The following C6orf120 variants were observed in gnomAD, a reference collection of about 807,000 sequenced individuals.
C6orf120 encodes the protein chromosome 6 open reading frame 120.
For missense variants in C6orf120, 311 were observed against 264.2 expected (o/e 1.18, Z -1.23); for synonymous variants, 165 against 123.1 (o/e 1.34, Z -2.25).
At chr6:169,705,171 T>C (rs1330585536), downstream of C6orf120, 3 of 1,612,298 alleles carry the variant, frequency 1.9e-6, no homozygotes, top group Non-Finnish European at 2.5e-6. Context: ...AAAAGTATGA[T>C]AACCTCTGTC....
rs766390371 is a variant in C6orf120 at position 169,702,823 on chromosome 6, C to T, written c.364C>T (p.Pro122Ser). ...AGTGGGCATCGGCGTCTATGGACAC[C>T]CCTCCCACCTGGAGAGCGAGTTCGA... Residue 122 changes from proline (P) to serine (S), a missense_variant, in exon 1 of 1, where the codon CCC becomes TCC. Physicochemically the swap from Pro to Ser is moderately conservative, Grantham distance 74. Coordinates refer to ENST00000332290, the Ensembl canonical transcript of C6orf120. 6.2e-6 allele frequency: 10 copies of T among 1,612,584 alleles called. 1 individual carries two copies. The South Asian group carries it at 6.6e-5, about 11-fold the overall frequency.
exon 1 of C6orf120, chr6:169,702,502 C>T: frequency 6.3e-7 from 1 of 1,598,612 alleles, no homozygotes; most frequent in East Asian, 2.3e-5. Flanking sequence ...GACGACGGCC[C>T]TGCTGCTGCT....
In C6orf120 at chr6:169,703,029, CTT is replaced by C. The variant is rs1562979218; in HGVS notation, c.573_574del (p.Phe191LeufsTer4). On this transcript the variant is annotated frameshift_variant, in exon 1 of 1. Transcript: ENST00000332290. LOFTEE classifies it high-confidence loss of function. ...TTTTGAAACTGGTACTTGAAATTCTCTTTTGAGTCGTTGACCACACTCTGGGA... is the reference window on the plus strand; with the variant it reads ...TTTTGAAACTGGTACTTGAAATTCTCTTGAGTCGTTGACCACACTCTGGGA... 1.3e-6 allele frequency: 2 copies of C among 1,549,996 alleles called. No homozygotes were observed. The highest frequency in any genetic ancestry group is 1.7e-6 in the Non-Finnish European group (2 of 1,145,072).
exon 1 of C6orf120, chr6:169,704,000 A>G (rs1261783151): frequency 6.3e-7 from 1 of 1,597,338 alleles, no homozygotes; most frequent in Non-Finnish European, 8.5e-7. Context: ...GTCAAAAACT[A>G]TTTTATCCCT....
chr6:169,706,338 A>G (rs560128917), downstream of C6orf120, among the ~76,000 whole-genome samples: 1 of 152,304 alleles, frequency 6.6e-6, no homozygotes, highest in East Asian at 1.9e-4. Context: ...CATGTCTAAT[A>G]AAAGAATCTA....
exon 1 of C6orf120, chr6:169,703,499 C>T (rs1481624655): frequency 4.9e-6 from 1 of 206,046 alleles, no homozygotes; most frequent in Non-Finnish European, 1.1e-5. Context: ...GCCTGTACCC[C>T]AAGTAGGTGA....
rs151116596 is a variant in C6orf120, at chr6:169,702,874, G to A, written c.415G>A (p.Val139Ile). 797 of 1,612,016 alleles carry A rather than the reference G, an allele frequency of 4.9e-4. 2 individuals are homozygous for A. In the African/African-American group the frequency reaches 6.3e-3, roughly 13 times the overall value. ...GATGAAGGTGTACTACGACGGCACGGTCGAGCAGCACCCGTTCGGCGAGGC... is the reference window on the plus strand; with the variant it reads ...GATGAAGGTGTACTACGACGGCACGATCGAGCAGCACCCGTTCGGCGAGGC... Residue 139 changes from valine (V) to isoleucine (I), a missense_variant, in exon 1 of 1, where the codon GTC (valine) becomes ATC (isoleucine). Physicochemically the swap from Val to Ile is conservative, Grantham distance 29 (BLOSUM62 3). Coordinates refer to ENST00000332290, the Ensembl canonical transcript of C6orf120.
chr6:169,702,604 A>G, exon 1 of C6orf120: 1 of 1,613,338 alleles, frequency 6.2e-7, no homozygotes, highest in Non-Finnish European at 8.5e-7. Context: ...CCAGGGCCAG[A>G]TAGGCGCCGG....
chr6:169,702,367 T>G, exon 1 of C6orf120: 1 of 766,514 alleles, frequency 1.3e-6, no homozygotes, highest in Non-Finnish European at 2.1e-6. Flanking sequence ...TGGACCCGCG[T>G]GCGGACGGCG....
At chr6:169,702,306 G>A (rs942331477) in exon 1 of C6orf120, 9 of 665,832 alleles carry the variant, frequency 1.4e-5, no homozygotes, top group Non-Finnish European at 2.2e-5. Context: ...GGGGCCTCAC[G>A]CGGGTGGGAA....
At chr6:169,702,414 C>T (rs1000192868) in exon 1 of C6orf120, 13 of 1,242,992 alleles carry the variant, frequency 1.0e-5, no homozygotes, top group Non-Finnish European at 1.1e-5. Flanking sequence ...CCGGTGTCCC[C>T]AGCAGCACTG....
chr6:169,703,796 G>T, exon 1 of C6orf120: 1 of 537,250 alleles, frequency 1.9e-6, no homozygotes, highest in Non-Finnish European at 3.3e-6. Flanking sequence ...TTTTTGGAGT[G>T]AGCCAAGGTT....
chr6:169,703,917 AT>A, exon 1 of C6orf120: 7 of 1,130,538 alleles, frequency 6.2e-6, no homozygotes, highest in East Asian at 5.5e-5. Flanking sequence ...TGCAAAAAAA[AT>A]CTTTTATTGG....
chr6:169,704,816 T>G (rs1788717026), exon 1 of C6orf120: 4 of 224,678 alleles, frequency 1.8e-5, no homozygotes. Flanking sequence ...GCAGTCATTT[T>G]GTTGTTTCTA....
At chr6:169,705,091 T>C (rs763540322), downstream of C6orf120, 9 of 1,458,378 alleles carry the variant, frequency 6.2e-6, no homozygotes, top group Non-Finnish European at 7.5e-6. Context: ...TGGGAGAGTC[T>C]CATCACCCAA....
exon 1 of C6orf120, chr6:169,703,175 T>C: frequency 1.1e-6 from 1 of 896,164 alleles, no homozygotes; most frequent in Non-Finnish European, 1.7e-6. Flanking sequence ...ATACGCAGTT[T>C]TGTTACCTCA....
At chr6:169,704,755 T>C in exon 1 of C6orf120, 1 of 177,418 alleles carries the variant, frequency 5.6e-6, no homozygotes, top group Admixed American at 6.4e-5. Flanking sequence ...TCATGCTGCC[T>C]CAATTTACAG....
At chr6:169,702,887 C>T (rs774036659) in exon 1 of C6orf120, 39 of 1,611,922 alleles carry the variant, frequency 2.4e-5, no homozygotes, top group Middle Eastern at 1.6e-4. Flanking sequence ...GAGCAGCACC[C>T]GTTCGGCGAG....
downstream of C6orf120, among the ~76,000 whole-genome samples, chr6:169,706,177 A>G (rs75557160): frequency 1.7e-3 from 256 of 152,362 alleles, 2 homozygotes; most frequent in African/African-American, 5.4e-3. Flanking sequence ...GAGCTATAAA[A>G]TCTAAGTTAA....
Sources: gnomAD v4.1 joint callset for allele counts (sites outside exome capture counted in the v4.1 genomes callset) on GRCh38, gnomAD v4.1.1 for gene constraint, MANE v1.5 for transcripts, NCBI Gene and HGNC (gene_info 2026-07-23, HGNC 2026-07-21) for gene names.